COLQ: variants seen among roughly 807,000 people sequenced by gnomAD.
COLQ encodes collagen like tail subunit of asymmetric acetylcholinesterase, also known as acetylcholinesterase collagenic tail peptide.
In COLQ, 48 loss-of-function variants were observed where a neutral mutation model predicts 69.0. The observed-to-expected ratio is 0.70, with a 90% CI of 0.55 to 0.88. COLQ has a LOEUF of 0.88. COLQ is among the 40% of genes least tolerant of loss of function. The pLI, the probability that COLQ is intolerant of heterozygous loss-of-function variation, is 0.00. For synonymous variants in COLQ, 217 were observed against 211.2 expected (o/e 1.03, Z -0.24); for missense variants, 618 against 594.6 (o/e 1.04, Z -0.41).
chr3:15,452,291 T>A (rs1481744811), intron 16 of COLQ, among the ~76,000 whole-genome samples: 2 of 152,184 alleles, frequency 1.3e-5, no homozygotes, highest in East Asian at 1.9e-4. Flanking sequence ...GGTGCCGAAC[T>A]CTGAACCTCA....
At chr3:15,490,120 C>T (rs1384739486) in intron 1 of COLQ, among the ~76,000 whole-genome samples, 1 of 152,212 alleles carries the variant, frequency 6.6e-6, no homozygotes, top group Non-Finnish European at 1.5e-5. Context: ...TGACTCTAGA[C>T]TTTACAAACA....
At chr3:15,455,124 CAT>C (rs1473501416) in intron 15 of COLQ, among the ~76,000 whole-genome samples, 8 of 152,202 alleles carry the variant, frequency 5.3e-5, no homozygotes, top group African/African-American at 1.9e-4. Context: ...AATCTCTGCA[CAT>C]GTTAGCTCAC....
chr3:15,519,220 C>T (rs2063103393), intron 1 of COLQ, among the ~76,000 whole-genome samples: 1 of 152,154 alleles, frequency 6.6e-6, no homozygotes, highest in Non-Finnish European at 1.5e-5. Context: ...ACCACATTCC[C>T]AGCCAGAAGT....
At chr3:15,497,010 C>T (rs2062755184) in intron 1 of COLQ, among the ~76,000 whole-genome samples, 1 of 150,718 alleles carries the variant, frequency 6.6e-6, no homozygotes, top group Non-Finnish European at 1.5e-5. Flanking sequence ...AGAGTTTTGC[C>T]CAAATCATCT....
At chr3:15,487,822 G>T (rs997129791) in intron 3 of COLQ, among the ~76,000 whole-genome samples, 14 of 152,192 alleles carry the variant, frequency 9.2e-5, no homozygotes, top group Admixed American at 8.5e-4. Context: ...CCACTTTCCT[G>T]TGCTGAACGC....
chr3:15,508,442 T>C (rs1464818492), intron 1 of COLQ, among the ~76,000 whole-genome samples: 2 of 152,210 alleles, frequency 1.3e-5, no homozygotes, highest in Non-Finnish European at 2.9e-5. Context: ...CTCCCTGTCT[T>C]GATTGCTTTG....
chr3:15,479,356 T>G lies in COLQ; in HGVS notation c.348A>C (p.Thr116=), dbSNP rs1254257286. ...TCCATACCTTTTCTCCCTTTGGTCCTGTCTTGCCAGGAAGCCCCGGTGGAC... is the reference window on the plus strand; with the variant it reads ...TCCATACCTTTTCTCCCTTTGGTCCGGTCTTGCCAGGAAGCCCCGGTGGAC... The part of the protein sequence containing the change: ...PQGPPGLPGK[T]GPKGEKGELG... Residue 116 remains threonine (T), a synonymous_variant, in exon 4 of 17, where the codon ACA becomes ACC. Transcript: ENST00000383788. 8 of 1,614,022 alleles carry G rather than the reference T, an allele frequency of 5.0e-6. No homozygotes were observed. Among genetic ancestry groups the G allele is most frequent in the Non-Finnish European group, 6.8e-6 (8 of 1,179,976 alleles).
intron 1 of COLQ, among the ~76,000 whole-genome samples, chr3:15,512,310 G>A (rs2062997510): frequency 1.3e-5 from 2 of 152,056 alleles, no homozygotes; most frequent in Non-Finnish European, 1.5e-5. Context: ...TAGCAGCCAC[G>A]AGGCCTCTCC....
At chr3:15,513,655 A>G (rs1024989849) in intron 1 of COLQ, among the ~76,000 whole-genome samples, 1 of 152,080 alleles carries the variant, frequency 6.6e-6, no homozygotes. Context: ...CAAATAAACT[A>G]CTTGCACTCA....
chr3:15,508,784 C>T (rs1258760673), intron 1 of COLQ, among the ~76,000 whole-genome samples: 1 of 151,802 alleles, frequency 6.6e-6, no homozygotes, highest in African/African-American at 2.4e-5. Context: ...GGCAAATTTT[C>T]AGTCTCATTC....
intron 5 of COLQ, 84 bp downstream of exon 5, chr3:15,478,890 ATTG>A: frequency 1.3e-6 from 2 of 1,524,854 alleles, no homozygotes; most frequent in Admixed American, 3.4e-5. Flanking sequence ...ACTGAAGTGC[ATTG>A]CTGTTCCCCC....
intron 14 of COLQ, among the ~76,000 whole-genome samples, 195 bp downstream of exon 14, chr3:15,456,265 G>A (rs969812260): frequency 1.3e-5 from 2 of 152,268 alleles, no homozygotes; most frequent in South Asian, 4.1e-4. Context: ...CTCAGAGAGG[G>A]GCTTCTATTT....
chr3:15,521,355 G>C (rs2063134589), intron 1 of COLQ, among the ~76,000 whole-genome samples, 165 bp downstream of exon 1: 1 of 152,210 alleles, frequency 6.6e-6, no homozygotes, highest in African/African-American at 2.4e-5. Context: ...GGGCTTCCGA[G>C]ACAAGCTCGG....
chr3:15,499,926 T>C (rs2062808878), intron 1 of COLQ, among the ~76,000 whole-genome samples: 1 of 152,256 alleles, frequency 6.6e-6, no homozygotes, highest in African/African-American at 2.4e-5. Context: ...GGATTAGAGC[T>C]ACAGCTTTTG....
At chr3:15,461,934 A>G (rs1345064706) in intron 12 of COLQ, among the ~76,000 whole-genome samples, 1 of 151,916 alleles carries the variant, frequency 6.6e-6, no homozygotes. Context: ...AGTGTCAGGA[A>G]CCAATTTGGG....
intron 12 of COLQ, among the ~76,000 whole-genome samples, chr3:15,459,188 C>A (rs953645087): frequency 6.6e-6 from 1 of 152,182 alleles, no homozygotes; most frequent in Non-Finnish European, 1.5e-5. Flanking sequence ...GGGTTTCTTT[C>A]ATTTCTTCTG....
intron 11 of COLQ, among the ~76,000 whole-genome samples, chr3:15,467,220 A>T (rs766860934): frequency 1.3e-5 from 2 of 152,236 alleles, no homozygotes; most frequent in Non-Finnish European, 2.9e-5. Context: ...CTAGAAACAC[A>T]ATGGTAGGCA....
chr3:15,497,465 C>T (rs894845677), intron 1 of COLQ, among the ~76,000 whole-genome samples: 1 of 152,264 alleles, frequency 6.6e-6, no homozygotes, highest in South Asian at 2.1e-4. Flanking sequence ...CCATTTCTGC[C>T]TTCTGTTTTT....
intron 6 of COLQ, 137 bp from the exon 7 acceptor site, chr3:15,475,624 C>G (rs2062367140): frequency 2.7e-6 from 2 of 753,306 alleles, no homozygotes; most frequent in Non-Finnish European, 4.6e-6. Flanking sequence ...GATGCACCCA[C>G]TTTCTCCCTC....
Sources: gnomAD v4.1 joint callset for allele counts (sites outside exome capture counted in the v4.1 genomes callset) on GRCh38, gnomAD v4.1.1 for gene constraint, MANE v1.5 for transcripts, NCBI Gene and HGNC (gene_info 2026-07-23, HGNC 2026-07-21) for gene names.